ZNF676: variants seen among roughly 807,000 people sequenced by gnomAD.
ZNF676 encodes the protein zinc finger protein 676.
In ZNF676, 4 loss-of-function variants were observed where a neutral mutation model predicts 6.0. That is an observed-to-expected ratio of 0.67 (90% CI 0.33 to 1.53). The LOEUF (loss-of-function observed/expected upper bound fraction) is 1.53, where lower values mean the gene tolerates loss of function less well. Among genes scored for constraint, ZNF676 ranks in the 40% most tolerant of loss-of-function variants. ZNF676 has a pLI of 0.06. For synonymous variants in ZNF676, 198 were observed against 223.1 expected, an observed-to-expected ratio of 0.89 and a Z score of 1.00; for missense variants, 644 against 679.7, an observed-to-expected ratio of 0.95 and a Z score of 0.58.
the ZNF676 span, among the ~76,000 whole-genome samples, chr19:22,231,422 A>G: frequency 6.6e-6 from 1 of 151,642 alleles, no homozygotes; most frequent in African/African-American, 2.4e-5. Flanking sequence ...AGAGACATAC[A>G]TTTAATAAAG....
chr19:22,198,791 CCT>C (rs1318588479), upstream of ZNF676, among the ~76,000 whole-genome samples: 3 of 151,924 alleles, frequency 2.0e-5, no homozygotes, highest in Non-Finnish European at 2.9e-5. Context: ...GGAGCCATCC[CCT>C]GACACAGGCA....
At chr19:22,239,783 A>G in the ZNF676 span, among the ~76,000 whole-genome samples, 8 of 152,182 alleles carry the variant, frequency 5.3e-5, no homozygotes, top group African/African-American at 1.9e-4. Context: ...AACAGAGAAG[A>G]GGCACATTAT....
upstream of ZNF676, among the ~76,000 whole-genome samples, chr19:22,216,014 A>C (rs1052414767): frequency 3.9e-5 from 6 of 152,296 alleles, no homozygotes; most frequent in South Asian, 2.1e-4. Context: ...GGAAAATTCT[A>C]TCTCTTCTTT....
In ZNF676 at chr19:22,193,573, CAACAGCGCCT is replaced by C. The variant is rs572091850; in HGVS notation, c.35-472_35-463del. Among the ~76,000 whole-genome samples, 7 of 152,134 alleles carry C rather than the reference CAACAGCGCCT, an allele frequency of 4.6e-5. No individual in the cohort carries two copies. In the South Asian group the frequency reaches 1.5e-3, roughly 32 times the overall value. ...GAATTAAAAAGATAATTTCTTCCTC[CAACAGCGCCT>C]ATTGAAAATAATGAGCAGGAGAAAG... On this transcript the variant is annotated intron_variant, in intron 1 of 2. Transcript: ENST00000397121.
At chr19:22,185,249 G>C (rs899271712) in intron 2 of ZNF676, among the ~76,000 whole-genome samples, 2 of 152,132 alleles carry the variant, frequency 1.3e-5, no homozygotes, top group Non-Finnish European at 2.9e-5. Context: ...CCTCCAGCAA[G>C]GTCTAGCAGA....
At chr19:22,247,795 G>A in the ZNF676 span, among the ~76,000 whole-genome samples, 3 of 152,076 alleles carry the variant, frequency 2.0e-5, no homozygotes, top group Non-Finnish European at 2.9e-5. Flanking sequence ...ACAGTTGTGC[G>A]TGACACGATT....
At chr19:22,250,955 AC>A in the ZNF676 span, among the ~76,000 whole-genome samples, 1 of 151,872 alleles carries the variant, frequency 6.6e-6, no homozygotes, top group Non-Finnish European at 1.5e-5. Flanking sequence ...CAGGTGATCC[AC>A]TCACCTTGGT....
chr19:22,232,182 T>C, the ZNF676 span, among the ~76,000 whole-genome samples: 11 of 151,742 alleles, frequency 7.2e-5, no homozygotes, highest in South Asian at 2.1e-4. Flanking sequence ...CTTTTCTTTT[T>C]TTTTTAGACG....
chr19:22,182,386 A>T (rs1457419287), intron 2 of ZNF676, among the ~76,000 whole-genome samples: 1 of 152,040 alleles, frequency 6.6e-6, no homozygotes, highest in Non-Finnish European at 1.5e-5. Flanking sequence ...TCTTATCAAA[A>T]ATATTATAAA....
At chr19:22,234,863 G>A in the ZNF676 span, among the ~76,000 whole-genome samples, 4 of 151,870 alleles carry the variant, frequency 2.6e-5, no homozygotes, top group African/African-American at 9.7e-5. Flanking sequence ...AACCTGGGAG[G>A]TGGAGGTTGC....
chr19:22,210,454 TCAG>T (rs201777868), intron 1 of ZNF676, among the ~76,000 whole-genome samples: 2,658 of 152,180 alleles, frequency 0.017, 48 homozygotes, highest in African/African-American at 0.039. Context: ...CTCACAGAAC[TCAG>T]CAGAACACTG....
the ZNF676 span, among the ~76,000 whole-genome samples, chr19:22,224,596 G>A: frequency 1.3e-5 from 2 of 152,178 alleles, no homozygotes; most frequent in Admixed American, 1.3e-4. Flanking sequence ...TGATTTGAAG[G>A]TAATTCTAGA....
At chr19:22,210,190 T>G (rs974664559) in intron 1 of ZNF676, among the ~76,000 whole-genome samples, 2 of 152,176 alleles carry the variant, frequency 1.3e-5, no homozygotes, top group African/African-American at 4.8e-5. Context: ...GTCTGTGATA[T>G]CTTTCTTCTG....
intron 1 of ZNF676, among the ~76,000 whole-genome samples, chr19:22,194,929 C>T (rs955560672): frequency 2.0e-5 from 3 of 152,136 alleles, no homozygotes; most frequent in Non-Finnish European, 4.4e-5. Flanking sequence ...CCAAAGTACC[C>T]ACTGTCATTT....
At chr19:22,245,657 T>C in the ZNF676 span, among the ~76,000 whole-genome samples, 2 of 151,916 alleles carry the variant, frequency 1.3e-5, no homozygotes, top group East Asian at 3.9e-4. Context: ...CGGTGATATA[T>C]CACAATCCCT....
chr19:22,259,788 C>T, the ZNF676 span: 6 of 152,094 alleles, frequency 3.9e-5, no homozygotes, highest in African/African-American at 1.4e-4. Flanking sequence ...AGAAGAAGGT[C>T]AAGGTAAAAG....
At chr19:22,254,718 G>A in the ZNF676 span, among the ~76,000 whole-genome samples, 1 of 152,182 alleles carries the variant, frequency 6.6e-6, no homozygotes, top group African/African-American at 2.4e-5. Context: ...TCACCTAGGT[G>A]TTAAGCCCAG....
intron 2 of ZNF676, among the ~76,000 whole-genome samples, chr19:22,186,721 G>C (rs1219395998): frequency 6.6e-6 from 1 of 152,146 alleles, no homozygotes; most frequent in East Asian, 1.9e-4. Flanking sequence ...AAAGAAAGCA[G>C]GGGCTGCAAT....
chr19:22,189,912 C>A (rs1405331366), intron 2 of ZNF676, among the ~76,000 whole-genome samples: 3 of 152,140 alleles, frequency 2.0e-5, no homozygotes, highest in Non-Finnish European at 2.9e-5. Context: ...AAAGCTTTTA[C>A]ACTGCTGAGT....
Sources: allele counts gnomAD v4.1 joint callset (sites outside exome capture counted in the v4.1 genomes callset), GRCh38; gene constraint gnomAD v4.1.1; transcripts MANE v1.5; gene names NCBI Gene and HGNC (gene_info 2026-07-23, HGNC 2026-07-21).